The following LACC1 variants were observed in gnomAD, a reference collection of about 807,000 sequenced individuals.
LACC1 encodes the protein purine nucleoside phosphorylase LACC1.
A neutral mutation model predicts 34.8 loss-of-function variants in LACC1; 25 were observed. That is an observed-to-expected ratio of 0.72 (90% CI 0.52 to 1.00). The LOEUF (loss-of-function observed/expected upper bound fraction) is 1.00. Ranked by LOEUF, LACC1 falls within the 50% of genes least tolerant of loss-of-function variation. The probability of loss-of-function intolerance (pLI) is 0.00; values close to 1 mark genes in which losing one functional copy is unlikely to be tolerated. For missense variants in LACC1, 426 were observed against 511.2 expected, an observed-to-expected ratio of 0.83 and a Z score of 1.61; for synonymous variants, 162 against 168.0, an observed-to-expected ratio of 0.96 and a Z score of 0.28.
At chr13:43,883,718 G>A in intron 3 of LACC1, 53 bp from the exon 4 acceptor site, 1 of 1,383,522 alleles carries the variant, frequency 7.2e-7, no homozygotes, top group South Asian at 1.6e-5. Context: ...GAAAGCTTAT[G>A]GTATAAGAAA....
intron 5 of LACC1, among the ~76,000 whole-genome samples, chr13:43,889,357 C>A (rs955363214): frequency 2.0e-5 from 3 of 152,100 alleles, no homozygotes; most frequent in Non-Finnish European, 2.9e-5. Context: ...TAAAATTATT[C>A]TTATTATCTA....
chr13:43,893,083 T>C lies in LACC1; in HGVS notation c.*1636T>C, dbSNP rs1053361990. 1.3e-5 allele frequency: 2 copies of C among 152,216 alleles called. No individual in the cohort carries two copies. The highest frequency in any genetic ancestry group is 4.8e-5 in the African/African-American group (2 of 41,446). 9.4% of individuals were successfully genotyped at this position (152,216 alleles called of 1,614,324 possible). On this transcript the variant is annotated 3_prime_UTR_variant, in exon 7 of 7. Coordinates refer to ENST00000325686, the MANE Select transcript of LACC1 (RefSeq NM_153218.4). ...AGAGAGGAATTAGGTTAGTTTTCATTTGGGAAAAATTGTATATATATTTAA... is the reference window on the plus strand; with the variant it reads ...AGAGAGGAATTAGGTTAGTTTTCATCTGGGAAAAATTGTATATATATTTAA...
At chr13:43,885,871 T>C (rs1357826680) in intron 4 of LACC1, among the ~76,000 whole-genome samples, 1 of 152,036 alleles carries the variant, frequency 6.6e-6, no homozygotes, top group Non-Finnish European at 1.5e-5. Context: ...TGAAAAGGTC[T>C]AACACCGAGA....
At chr13:43,887,195 A>C (rs1311675466) in intron 4 of LACC1, among the ~76,000 whole-genome samples, 1 of 152,164 alleles carries the variant, frequency 6.6e-6, no homozygotes, top group African/African-American at 2.4e-5. Flanking sequence ...TAGAAACTTG[A>C]TGTCTTCATT....
At position 43,880,952 on chromosome 13, in the gene LACC1, G is replaced by T. The variant is rs369638343; in HGVS notation, c.-34G>T. On this transcript the variant is annotated splice_region_variant and 5_prime_UTR_variant, in exon 2 of 7. Coordinates refer to ENST00000325686, the MANE Select transcript of LACC1 (RefSeq NM_153218.4). ...TTCTTACACTAATTTTTATTTGCAG[G>T]TGATTTATTTGGCATAAAAGTATTC... The T allele has an allele frequency of 2.0e-6, 3 of 1,509,094 alleles. No homozygotes were observed. The highest frequency in any genetic ancestry group is 2.3e-5 in the East Asian group (1 of 44,236). 93.5% of individuals were successfully genotyped at this position (1,509,094 alleles called of 1,614,324 possible).
chr13:43,891,365 A>G (rs886944143), intron 6 of LACC1, 84 bp from the exon 7 acceptor site: 29 of 616,694 alleles, frequency 4.7e-5, no homozygotes, highest in Middle Eastern at 8.2e-4. Flanking sequence ...TTACAGAAAA[A>G]CTTTAATAGA....
intron 1 of LACC1, among the ~76,000 whole-genome samples, chr13:43,880,435 C>T (rs182592234): frequency 1.1e-3 from 165 of 152,304 alleles, no homozygotes; most frequent in Admixed American, 2.7e-3. Context: ...CTTTTGTGGT[C>T]ATTGCTAAGT....
Position 43,882,270 on chromosome 13 carries a change from C to T in LACC1, c.648C>T (p.Ser216=). 1 of 1,613,732 alleles carries T rather than the reference C, an allele frequency of 6.2e-7. No homozygotes were observed. Among genetic ancestry groups the T allele is most frequent in the Non-Finnish European group, 8.5e-7 (1 of 1,179,804 alleles). Reference sequence around the variant, plus strand: ...GCTCATTCAATCTCTTCAGTAGTTCCAAACGGAGAGATCCCAAGGTAGTGG... The same window carrying T: ...GCTCATTCAATCTCTTCAGTAGTTCTAAACGGAGAGATCCCAAGGTAGTGG... The part of the protein sequence containing the change: ...TLSSFNLFSS[S]KRRDPKVVVQ... Residue 216 remains serine, a synonymous_variant, in exon 3 of 7, where the codon TCC becomes TCT. Transcript: ENST00000325686.
intron 3 of LACC1, 39 bp from the exon 4 acceptor site, chr13:43,883,732 T>C (rs2138300744): frequency 6.5e-7 from 1 of 1,526,816 alleles, no homozygotes; most frequent in Non-Finnish European, 8.9e-7. Context: ...TAAGAAATAC[T>C]ATTTCCAAAA....
In LACC1 at chr13:43,888,851, T is replaced by C. The variant is rs1238662383; in HGVS notation, c.1002T>C (p.Leu334=). ...GCSLEDIVVV[L]GPSVGPCCFT... ...GTTTGGAAGACATTGTTGTTGTACTTGGACCTTCAGTAGGACCTTGCTGTT... is the reference window on the plus strand; with the variant it reads ...GTTTGGAAGACATTGTTGTTGTACTCGGACCTTCAGTAGGACCTTGCTGTT... Residue 334 remains leucine (L), a synonymous_variant, in exon 5 of 7, where the codon CTT becomes CTC. Coordinates refer to ENST00000325686, the MANE Select transcript of LACC1 (RefSeq NM_153218.4). The C allele has an allele frequency of 3.1e-6, 5 of 1,613,844 alleles. No homozygotes were observed. Among genetic ancestry groups the C allele is most frequent in the Non-Finnish European group, 4.2e-6 (5 of 1,179,874 alleles).
chr13:43,885,960 T>G (rs1287070411), intron 4 of LACC1, among the ~76,000 whole-genome samples: 1 of 151,802 alleles, frequency 6.6e-6, no homozygotes, highest in African/African-American at 2.4e-5. Context: ...AACAAACGCT[T>G]CTCAAAAGAA....
chr13:43,892,798 A>T lies in LACC1; in HGVS notation c.*1351A>T, dbSNP rs1392210071. The T allele has an allele frequency of 1.3e-5, 2 of 152,228 alleles. No individual in the cohort carries two copies. The highest frequency in any genetic ancestry group is 4.8e-5 in the African/African-American group (2 of 41,456). 9.4% of individuals were successfully genotyped at this position (152,228 alleles called of 1,614,324 possible). The stretch of plus-strand genomic sequence containing the variant: ...GGGTAGTTGTTTTGAAGAAGCCAGG[A>T]TAGGTGTGGAAAGTACTCAAAAAGA... On this transcript the variant is annotated 3_prime_UTR_variant, in exon 7 of 7. Coordinates refer to ENST00000325686, the MANE Select transcript of LACC1 (RefSeq NM_153218.4).
chr13:43,884,018 GCAAA>G, intron 4 of LACC1, 82 bp downstream of exon 4: 1 of 1,179,552 alleles, frequency 8.5e-7, no homozygotes, highest in East Asian at 2.4e-5. Context: ...GATGGACATG[GCAAA>G]CAGTTAATTA....
intron 4 of LACC1, 47 bp downstream of exon 4, chr13:43,883,983 G>A (rs768819857): frequency 2.6e-6 from 4 of 1,528,728 alleles, no homozygotes; most frequent in Non-Finnish European, 3.6e-6. Flanking sequence ...ATTTTGTTGT[G>A]CAGGAAAAAT....
chr13:43,893,573 T>C lies in LACC1; in HGVS notation c.*2126T>C, dbSNP rs1955644282. 1 of 151,988 alleles carries C rather than the reference T, an allele frequency of 6.6e-6. No individual in the cohort carries two copies. The highest frequency in any genetic ancestry group is 1.5e-5 in the Non-Finnish European group (1 of 67,874). 9.4% of individuals were successfully genotyped at this position (151,988 alleles called of 1,614,324 possible). A position where few individuals can be genotyped will look rare whatever the true frequency, so the allele number is the denominator to read the frequency against. ...AGTGACAGTCAGTAAACCAACAATC[T>C]CAATACTTTGATATATGTTGTGAGG... On this transcript the variant is annotated 3_prime_UTR_variant, in exon 7 of 7. Transcript: ENST00000325686.
At position 43,890,180 on chromosome 13, in the gene LACC1, C is replaced by G; in HGVS notation, c.1200C>G (p.Leu400=). The change falls in exon 6 of 7, where the codon CTC becomes CTG. Residue 400 remains leucine (L), a synonymous_variant. Transcript: ENST00000325686. ...AGGACCAGAACCAAGATCTCAACCT[C>G]TGTACATCTTGCCATCCTGACAAGT... ...NIQDQNQDLN[L]CTSCHPDKFF... 2 of 1,613,582 alleles carry G rather than the reference C, an allele frequency of 1.2e-6. No homozygotes were observed. Among genetic ancestry groups the G allele is most frequent in the Non-Finnish European group, 1.7e-6 (2 of 1,179,564 alleles).
upstream of LACC1, chr13:43,879,817 G>GCGGGGCGGGGC (rs878998840): frequency 2.2e-5 from 1 of 46,262 alleles, no homozygotes; most frequent in African/African-American, 4.7e-5. Context: ...GCGGGGCGAG[G>GCGGGGCGGGGC]TGGGCGAGGT....
At chr13:43,890,432 G>C (rs1487163753) in intron 6 of LACC1, among the ~76,000 whole-genome samples, 158 bp downstream of exon 6, 1 of 151,760 alleles carries the variant, frequency 6.6e-6, no homozygotes, top group African/African-American at 2.4e-5. Context: ...ATTCCTACAG[G>C]GAGAATGATG....
Position 43,881,254 on chromosome 13 carries a change from C to G in LACC1, c.269C>G (p.Thr90Ser). The G allele has an allele frequency of 6.2e-7, 1 of 1,614,096 alleles. No homozygotes were observed. Among genetic ancestry groups the G allele is most frequent in the South Asian group, 1.1e-5 (1 of 91,082 alleles). ...SCPSMAATLY[T>S]IKQKIDEKNL... Reference sequence around the variant, plus strand: ...CCCAGCATGGCTGCCACTTTGTATACCATTAAACAGAAAATTGATGAAAAA... The same window carrying G: ...CCCAGCATGGCTGCCACTTTGTATAGCATTAAACAGAAAATTGATGAAAAA... The change falls in exon 2 of 7, where the codon ACC becomes AGC. Residue 90 changes from threonine (T) to serine (S), a missense_variant. Around this residue, in one of 2 missense-constraint regions of LACC1, gnomAD observed 217 missense variants for 210.9 expected, o/e 1.03. Transcript: ENST00000325686.
Sources: allele counts gnomAD v4.1 joint callset (sites outside exome capture counted in the v4.1 genomes callset), GRCh38; gene constraint gnomAD v4.1.1; regional missense constraint gnomAD v4.1.1; transcripts MANE v1.5; gene names NCBI Gene and HGNC (gene_info 2026-07-23, HGNC 2026-07-21).